The following FAM135B variants were observed in gnomAD, a reference collection of about 807,000 sequenced individuals.
The protein encoded by FAM135B is family with sequence similarity 135 member B, also known as protein FAM135B.
A neutral mutation model predicts 127.7 loss-of-function variants in FAM135B; 43 were observed. The ratio of observed to expected loss-of-function variants is 0.34; its 90% CI spans 0.26 to 0.43. The LOEUF is 0.43. FAM135B is among the 20% of genes least tolerant of loss of function. The pLI is 1.00. For missense variants in FAM135B, 1,558 were observed against 1,725.6 expected (o/e 0.90, Z 1.72); for synonymous variants, 670 against 665.1 (o/e 1.01, Z -0.11).
At chr8:138,279,789 C>T (rs866334837) in intron 3 of FAM135B, among the ~76,000 whole-genome samples, 1 of 152,176 alleles carries the variant, frequency 6.6e-6, no homozygotes, top group African/African-American at 2.4e-5. Flanking sequence ...CCCTCTCACC[C>T]TCTATTGTTC....
intron 1 of FAM135B, among the ~76,000 whole-genome samples, chr8:138,413,048 C>T (rs369405369): frequency 6.6e-6 from 1 of 152,172 alleles, no homozygotes; most frequent in Non-Finnish European, 1.5e-5. Flanking sequence ...TTGAGTGACC[C>T]GGACCGTATT....
chr8:138,347,106 A>AGAATGAAT (rs143057372), intron 2 of FAM135B, among the ~76,000 whole-genome samples: 129 of 151,188 alleles, frequency 8.5e-4, no homozygotes, highest in African/African-American at 3.0e-3. Flanking sequence ...AACAAAAGGA[A>AGAATGAAT]GAATGAATGA....
intron 2 of FAM135B, among the ~76,000 whole-genome samples, chr8:138,337,950 T>C (rs1828736819): frequency 6.6e-6 from 1 of 151,798 alleles, no homozygotes; most frequent in South Asian, 2.1e-4. Context: ...TCAGAAATAA[T>C]GCCGCATATC....
intron 1 of FAM135B, among the ~76,000 whole-genome samples, chr8:138,435,866 T>C (rs1170873029): frequency 1.3e-5 from 2 of 152,194 alleles, no homozygotes; most frequent in Non-Finnish European, 2.9e-5. Flanking sequence ...GATTTATCAA[T>C]AGAACTGAAG....
chr8:138,308,175 A>G (rs1277042489), intron 3 of FAM135B, among the ~76,000 whole-genome samples: 3 of 149,848 alleles, frequency 2.0e-5, no homozygotes, highest in Non-Finnish European at 4.4e-5. Flanking sequence ...CTCAGCTATC[A>G]TGTAAGAAGT....
At chr8:138,378,414 C>T (rs1831625228) in intron 1 of FAM135B, among the ~76,000 whole-genome samples, 1 of 152,324 alleles carries the variant, frequency 6.6e-6, no homozygotes, top group Middle Eastern at 3.4e-3. Context: ...TCCCCAACTG[C>T]AAGTTGCTTT....
intron 1 of FAM135B, among the ~76,000 whole-genome samples, chr8:138,428,559 TGTTAATGGTA>T (rs1835024401): frequency 6.6e-6 from 1 of 152,076 alleles, no homozygotes; most frequent in Admixed American, 6.6e-5. Context: ...TTTGCAGGTG[TGTTAATGGTA>T]GCACAGAGAG....
intron 1 of FAM135B, among the ~76,000 whole-genome samples, chr8:138,398,258 C>G (rs78332955): frequency 6.6e-6 from 1 of 152,316 alleles, no homozygotes; most frequent in African/African-American, 2.4e-5. Flanking sequence ...CAGAGGGGCT[C>G]ATTCAGTCTG....
At chr8:138,483,224 C>G (rs1004964831) in intron 1 of FAM135B, among the ~76,000 whole-genome samples, 1 of 152,158 alleles carries the variant, frequency 6.6e-6, no homozygotes, top group Admixed American at 6.5e-5. Context: ...TTCTTTAATC[C>G]TAACAAAAAT....
chr8:138,312,412 T>C (rs764732878), intron 2 of FAM135B, among the ~76,000 whole-genome samples: 18 of 152,076 alleles, frequency 1.2e-4, no homozygotes, highest in Non-Finnish European at 2.2e-4. Flanking sequence ...GCAGACAGGT[T>C]AGGAACCTCA....
intron 3 of FAM135B, among the ~76,000 whole-genome samples, chr8:138,280,190 G>T (rs1488817327): frequency 3.3e-5 from 5 of 152,038 alleles, no homozygotes; most frequent in African/African-American, 9.7e-5. Flanking sequence ...TATTTCCAAG[G>T]GGCTCTCTTG....
chr8:138,344,336 C>G (rs541103091), intron 2 of FAM135B, among the ~76,000 whole-genome samples: 6 of 152,148 alleles, frequency 3.9e-5, no homozygotes, highest in African/African-American at 1.4e-4. Flanking sequence ...AATCACAGCC[C>G]ATCGTAACCC....
At position 138,178,581 on chromosome 8, in the gene FAM135B, T is replaced by C. The variant is rs767358482; in HGVS notation, c.983A>G (p.His328Arg). ...GGTGAGATAAGTGGTCACTTGGGAG[T>C]GCAGAGTGACTGTGTCCAGGAACTG... ...WTQFLDTVTL[H>R]SQVTTYLTQE... The change falls in exon 10 of 20, where the codon CAC becomes CGC. Residue 328 changes from histidine (H) to arginine (R), a missense_variant. By Grantham distance (29) the His-to-Arg change is conservative. Around this residue, in one of 5 missense-constraint regions of FAM135B, gnomAD observed 115 missense variants for 171.1 expected, o/e 0.67. Coordinates refer to ENST00000395297, the MANE Select transcript of FAM135B (RefSeq NM_015912.4). 1.9e-6 allele frequency: 3 copies of C among 1,613,880 alleles called. No individual in the cohort carries two copies. In the Admixed American group the frequency reaches 5.0e-5, roughly 27 times the overall value.
At chr8:138,470,477 C>T (rs890216977) in intron 1 of FAM135B, among the ~76,000 whole-genome samples, 7 of 152,074 alleles carry the variant, frequency 4.6e-5, no homozygotes, top group East Asian at 3.8e-4. Context: ...ATTTTTATAA[C>T]GTATTATCAA....
intron 1 of FAM135B, among the ~76,000 whole-genome samples, chr8:138,405,184 T>C (rs1989113): frequency 0.4 from 60,498 of 151,762 alleles, 12,526 homozygotes; most frequent in African/African-American, 0.52. Context: ...CAGGTGCATT[T>C]TCAATGAGTA....
intron 1 of FAM135B, among the ~76,000 whole-genome samples, chr8:138,405,856 C>T (rs1386550998): frequency 6.6e-6 from 1 of 151,894 alleles, no homozygotes; most frequent in Non-Finnish European, 1.5e-5. Context: ...CCTATTTCTC[C>T]ACATCCTCTC....
At chr8:138,322,153 T>C (rs1013668264) in intron 2 of FAM135B, among the ~76,000 whole-genome samples, 2 of 152,204 alleles carry the variant, frequency 1.3e-5, no homozygotes, top group African/African-American at 4.8e-5. Flanking sequence ...TATTTTTAAA[T>C]GATAGTGAAA....
At chr8:138,261,661 C>T (rs1383643150) in intron 4 of FAM135B, among the ~76,000 whole-genome samples, 4 of 152,228 alleles carry the variant, frequency 2.6e-5, no homozygotes, top group African/African-American at 9.6e-5. Flanking sequence ...CCTCCAGACT[C>T]ACTCTTTGCA....
chr8:138,241,449 T>C lies in FAM135B; in HGVS notation c.669+1493A>G, dbSNP rs2130355918. 6.6e-6 allele frequency among the ~76,000 whole-genome samples: 1 copy of C among 152,294 alleles called. No homozygotes were observed. Reference sequence around the variant, plus strand: ...GCAGGTTCTTGACAACTCTTTTCTTTGCTTCTCAGGACCATAAAATCATGT... The same window carrying C: ...GCAGGTTCTTGACAACTCTTTTCTTCGCTTCTCAGGACCATAAAATCATGT... On this transcript the variant is annotated intron_variant, in intron 7 of 19. Coordinates refer to ENST00000395297, the MANE Select transcript of FAM135B (RefSeq NM_015912.4). This position sits in a 1 kb window ranked among gnomAD's most constrained non-coding sequence, Gnocchi z 4.8.
Sources: allele counts gnomAD v4.1 joint callset (sites outside exome capture counted in the v4.1 genomes callset), GRCh38; gene constraint gnomAD v4.1.1; regional missense constraint gnomAD v4.1.1; non-coding constraint Gnocchi (gnomAD v3.1); transcripts MANE v1.5; gene names NCBI Gene and HGNC (gene_info 2026-07-23, HGNC 2026-07-21).